Variants in ZNF804A observed in about 807,000 individuals in gnomAD.
ZNF804A encodes zinc finger protein 804A.
In ZNF804A, 2 loss-of-function variants were observed where a neutral mutation model predicts 16.5. That is an observed-to-expected ratio of 0.12 (90% confidence interval 0.05 to 0.38). The LOEUF (loss-of-function observed/expected upper bound fraction) is 0.38. Ranked by LOEUF, ZNF804A falls within the 10% of genes least tolerant of loss-of-function variation. The probability of loss-of-function intolerance (pLI) is 0.99; values close to 1 mark genes in which losing one functional copy is unlikely to be tolerated. For synonymous variants in ZNF804A, 534 were observed against 489.6 expected, an observed-to-expected ratio of 1.09 and a Z score of -1.20; for missense variants, 1,473 against 1,390.7, an observed-to-expected ratio of 1.06 and a Z score of -0.94.
intron 1 of ZNF804A, among the ~76,000 whole-genome samples, chr2:184,837,217 A>G (rs565396276): frequency 6.6e-5 from 10 of 152,172 alleles, no homozygotes; most frequent in African/African-American, 2.4e-4. Flanking sequence ...CCAGGAAGAA[A>G]CATGCGTCCT....
chr2:184,687,392 C>T (rs1224616497), intron 1 of ZNF804A, among the ~76,000 whole-genome samples: 3 of 152,116 alleles, frequency 2.0e-5, no homozygotes, highest in African/African-American at 7.2e-5. Context: ...ATTTATTCAG[C>T]ATTGTGATCA....
chr2:184,747,737 A>C (rs917311114), intron 1 of ZNF804A, among the ~76,000 whole-genome samples: 1 of 151,216 alleles, frequency 6.6e-6, no homozygotes, highest in Non-Finnish European at 1.5e-5. Flanking sequence ...TAGGATGGTT[A>C]CATGAGTATA....
chr2:184,666,605 T>G (rs564851795), intron 1 of ZNF804A, among the ~76,000 whole-genome samples: 12 of 152,200 alleles, frequency 7.9e-5, no homozygotes, highest in African/African-American at 2.4e-4. Context: ...ACAAGTTGTG[T>G]GAATGTTTTC....
At chr2:184,827,356 A>G (rs1286882422) in intron 1 of ZNF804A, among the ~76,000 whole-genome samples, 1 of 149,512 alleles carries the variant, frequency 6.7e-6, no homozygotes, top group Non-Finnish European at 1.5e-5. Context: ...TAAAATCAAC[A>G]TTGGAGGTAC....
At chr2:184,735,057 A>G (rs1574186765) in intron 1 of ZNF804A, among the ~76,000 whole-genome samples, 1 of 152,130 alleles carries the variant, frequency 6.6e-6, no homozygotes, top group South Asian at 2.1e-4. Context: ...CTTTATATTT[A>G]AAGTGTATTG....
At chr2:184,662,439 T>G (rs758060482) in intron 1 of ZNF804A, among the ~76,000 whole-genome samples, 7 of 152,192 alleles carry the variant, frequency 4.6e-5, no homozygotes, top group Admixed American at 1.3e-4. Context: ...CTAAAGAAAA[T>G]ATAAGTGTCC....
At chr2:184,875,976 G>A (rs934901522) in intron 2 of ZNF804A, among the ~76,000 whole-genome samples, 1 of 152,108 alleles carries the variant, frequency 6.6e-6, no homozygotes, top group Admixed American at 6.6e-5. Flanking sequence ...TCTTATTGCT[G>A]CTGCCCCTCA....
intron 1 of ZNF804A, among the ~76,000 whole-genome samples, chr2:184,661,260 G>C (rs1455372132): frequency 2.6e-5 from 4 of 152,072 alleles, no homozygotes; most frequent in Non-Finnish European, 5.9e-5. Context: ...CCAGCCAGGA[G>C]TGTCACAGCT....
chr2:184,920,761 G>T (rs1393895427), intron 2 of ZNF804A, among the ~76,000 whole-genome samples: 1 of 152,196 alleles, frequency 6.6e-6, no homozygotes, highest in Non-Finnish European at 1.5e-5. Context: ...TAGTTGCTTG[G>T]AATGGCCTTG....
chr2:184,630,805 G>C (rs952339175), intron 1 of ZNF804A, among the ~76,000 whole-genome samples: 2 of 151,906 alleles, frequency 1.3e-5, no homozygotes, highest in Non-Finnish European at 2.9e-5. Context: ...TTTATACCAA[G>C]AGCTGTTGAG....
chr2:184,684,611 T>C (rs551725138), intron 1 of ZNF804A, among the ~76,000 whole-genome samples: 1 of 152,150 alleles, frequency 6.6e-6, no homozygotes. Context: ...GGGGTACATG[T>C]GCAGGTTTGT....
intron 1 of ZNF804A, among the ~76,000 whole-genome samples, chr2:184,812,706 G>C (rs750438383): frequency 5.9e-5 from 9 of 152,002 alleles, no homozygotes; most frequent in Non-Finnish European, 1.2e-4. Context: ...TTTCTTTCTA[G>C]GAAAAAGAGC....
intron 1 of ZNF804A, among the ~76,000 whole-genome samples, chr2:184,747,980 A>G (rs1391311827): frequency 6.6e-6 from 1 of 151,380 alleles, no homozygotes; most frequent in Admixed American, 6.6e-5. Context: ...CAAAGGACAT[A>G]ATTTTTTTTA....
intron 1 of ZNF804A, among the ~76,000 whole-genome samples, chr2:184,654,100 A>G (rs1692036396): frequency 6.6e-6 from 1 of 152,232 alleles, no homozygotes; most frequent in African/African-American, 2.4e-5. Flanking sequence ...TGCCCTGCTT[A>G]TGCCTGACTA....
At chr2:184,615,668 TA>T (rs139469863) in intron 1 of ZNF804A, among the ~76,000 whole-genome samples, 4,752 of 152,262 alleles carry the variant, frequency 0.031, 250 homozygotes, top group African/African-American at 0.11. Flanking sequence ...GATTTTTGGC[TA>T]TTTTTTTAAC....
intron 2 of ZNF804A, among the ~76,000 whole-genome samples, chr2:184,886,371 A>T (rs1010978009): frequency 6.6e-6 from 1 of 152,154 alleles, no homozygotes; most frequent in Non-Finnish European, 1.5e-5. Context: ...ACAGGCTGGC[A>T]TTGGAGTGTC....
intron 1 of ZNF804A, among the ~76,000 whole-genome samples, chr2:184,769,227 G>A (rs1039553642): frequency 1.3e-5 from 2 of 151,898 alleles, no homozygotes; most frequent in Non-Finnish European, 2.9e-5. Flanking sequence ...CTTCCTTTAA[G>A]GAAAGAACAC....
In ZNF804A at chr2:184,937,632, A is replaced by G; in HGVS notation, c.2236A>G (p.Lys746Glu). The change falls in exon 4 of 4, where the codon AAA (lysine) becomes GAA (glutamate). Residue 746 changes from lysine to glutamate, a missense_variant. Coordinates refer to ENST00000302277, the MANE Select transcript of ZNF804A (RefSeq NM_194250.2). ...AAGCTTAGTTCTTCAAAATGATATG[A>G]AACACATGAGTCAGAATCAGGCTGT... The part of the protein sequence containing the change: ...HRSLVLQNDM[K>E]HMSQNQAVKR... The G allele has an allele frequency of 6.2e-7, 1 of 1,613,928 alleles. No homozygotes were observed. Among genetic ancestry groups the G allele is most frequent in the South Asian group, 1.1e-5 (1 of 91,068 alleles).
intron 1 of ZNF804A, among the ~76,000 whole-genome samples, chr2:184,792,707 TAA>T (rs1315694708): frequency 1.3e-5 from 2 of 152,216 alleles, no homozygotes; most frequent in East Asian, 3.8e-4. Flanking sequence ...TTACTGGATC[TAA>T]AGTCATCAGC....
Sources: gnomAD v4.1 joint callset for allele counts (sites outside exome capture counted in the v4.1 genomes callset) on GRCh38, gnomAD v4.1.1 for gene constraint, MANE v1.5 for transcripts, NCBI Gene and HGNC (gene_info 2026-07-23, HGNC 2026-07-21) for gene names.